PACSIN2: variants seen among roughly 807,000 people sequenced by gnomAD.
PACSIN2 encodes the protein protein kinase C and casein kinase substrate in neurons 2.
PACSIN2 carries 25 observed loss-of-function variants against 63.8 expected under a neutral mutation model. The ratio of observed to expected loss-of-function variants is 0.39; its 90% CI spans 0.29 to 0.55. The LOEUF (loss-of-function observed/expected upper bound fraction) is 0.55, where lower values mean the gene tolerates loss of function less well. PACSIN2 is among the 20% of genes least tolerant of loss of function. The probability of loss-of-function intolerance (pLI) is 0.62; values close to 1 mark genes in which losing one functional copy is unlikely to be tolerated. For missense variants in PACSIN2, 518 were observed against 646.9 expected, an observed-to-expected ratio of 0.80 and a Z score of 2.16; for synonymous variants, 255 against 256.2, an observed-to-expected ratio of 1.00 and a Z score of 0.05.
intron 1 of PACSIN2, among the ~76,000 whole-genome samples, chr22:42,969,236 C>T (rs938983863): frequency 5.9e-5 from 9 of 152,180 alleles, no homozygotes; most frequent in African/African-American, 1.9e-4. Flanking sequence ...CAACTATAAA[C>T]TTAAAAGTGT....
intron 1 of PACSIN2, among the ~76,000 whole-genome samples, chr22:42,959,211 C>G (rs1391129821): frequency 2.0e-5 from 3 of 152,170 alleles, no homozygotes; most frequent in Non-Finnish European, 2.9e-5. Flanking sequence ...ACAGCAATTA[C>G]AGTCTCCTGG....
At chr22:42,977,278 G>T (rs954376824) in intron 1 of PACSIN2, among the ~76,000 whole-genome samples, 1 of 152,088 alleles carries the variant, frequency 6.6e-6, no homozygotes, top group African/African-American at 2.4e-5. Flanking sequence ...GGACACATTT[G>T]CAATGCACAC....
chr22:43,005,813 C>A (rs1280907896), intron 1 of PACSIN2, among the ~76,000 whole-genome samples: 1 of 152,112 alleles, frequency 6.6e-6, no homozygotes, highest in East Asian at 1.9e-4. Flanking sequence ...CTCTCAGTAT[C>A]CTGGTGCAAA....
At chr22:42,992,326 A>G (rs1923097999) in intron 1 of PACSIN2, among the ~76,000 whole-genome samples, 1 of 152,220 alleles carries the variant, frequency 6.6e-6, no homozygotes, top group African/African-American at 2.4e-5. Context: ...GATGCGCGCA[A>G]AGCACTTTGG....
chr22:42,879,499 C>A (rs897874313), intron 7 of PACSIN2, among the ~76,000 whole-genome samples: 2 of 152,194 alleles, frequency 1.3e-5, no homozygotes, highest in African/African-American at 4.8e-5. Flanking sequence ...AGGTCCGGGG[C>A]CTCCTGTTCC....
intron 1 of PACSIN2, among the ~76,000 whole-genome samples, chr22:42,919,772 C>CAAAAAAAAAAAAAA (rs761464603): frequency 4.1e-5 from 2 of 48,784 alleles, no homozygotes; most frequent in Non-Finnish European, 9.7e-5. Flanking sequence ...GAACCTGTCT[C>CAAAAAAAAAAAAAA]AAAAAAAAAA....
chr22:42,908,918 C>CA (rs1555914696), intron 2 of PACSIN2, among the ~76,000 whole-genome samples: 5 of 152,178 alleles, frequency 3.3e-5, no homozygotes, highest in Non-Finnish European at 2.9e-5. Context: ...TGCTCTCATA[C>CA]TCCATAAGCA....
chr22:42,914,760 G>C (rs1176886345), intron 1 of PACSIN2, among the ~76,000 whole-genome samples: 2 of 152,234 alleles, frequency 1.3e-5, no homozygotes, highest in Admixed American at 6.5e-5. Flanking sequence ...TCCGGACTGA[G>C]AGGCAGCTTG....
At chr22:42,964,911 T>C (rs1230326347) in intron 1 of PACSIN2, among the ~76,000 whole-genome samples, 2 of 152,034 alleles carry the variant, frequency 1.3e-5, no homozygotes, top group Non-Finnish European at 2.9e-5. Flanking sequence ...ATGGCTTGGA[T>C]AAAAAGAAGA....
intron 1 of PACSIN2, among the ~76,000 whole-genome samples, chr22:42,976,361 C>CTTA: frequency 6.6e-6 from 1 of 152,350 alleles, no homozygotes; most frequent in Middle Eastern, 3.4e-3. Context: ...AAGCGCAGGC[C>CTTA]TTAATGCACA....
chr22:42,938,287 C>A (rs1932996582), intron 1 of PACSIN2, among the ~76,000 whole-genome samples: 1 of 152,140 alleles, frequency 6.6e-6, no homozygotes, highest in African/African-American at 2.4e-5. Context: ...GATGAAAACA[C>A]ACACGGTTCT....
chr22:42,925,082 G>A (rs996503154), intron 1 of PACSIN2, among the ~76,000 whole-genome samples: 1 of 151,108 alleles, frequency 6.6e-6, no homozygotes, highest in African/African-American at 2.4e-5. Flanking sequence ...AGCCCCCTCA[G>A]ACCCCCTCCC....
chr22:42,967,212 A>C (rs2146860086), intron 1 of PACSIN2, among the ~76,000 whole-genome samples: 1 of 152,194 alleles, frequency 6.6e-6, no homozygotes. Flanking sequence ...TGAATCACGT[A>C]AACAAGGGCC....
At chr22:42,878,766 A>G (rs9611951) in intron 8 of PACSIN2, among the ~76,000 whole-genome samples, 65,642 of 152,024 alleles carry the variant, frequency 0.43, 14,714 homozygotes, top group Non-Finnish European at 0.48. Flanking sequence ...GCTCCTCCCC[A>G]CTCAGGTCTG....
intron 2 of PACSIN2, among the ~76,000 whole-genome samples, chr22:42,905,776 T>C (rs1029606215): frequency 1.3e-5 from 2 of 152,202 alleles, no homozygotes; most frequent in Non-Finnish European, 2.9e-5. Context: ...CCTGCAGTGC[T>C]CCTGGTGGGT....
Position 42,891,046 on chromosome 22 carries a change from T to C in PACSIN2, c.354A>G (p.Glu118=), listed in dbSNP as rs1319100524. 1.9e-6 allele frequency: 3 copies of C among 1,614,174 alleles called. 1 individual carries two copies. The South Asian group carries it at 3.3e-5, about 18-fold the overall frequency. The change falls in exon 4 of 11, where the codon GAA becomes GAG. Residue 118 remains glutamate, a synonymous_variant. Coordinates refer to ENST00000263246, the MANE Select transcript of PACSIN2 (RefSeq NM_001184970.3). ...CGCCCATCATCTGCTTGTGAAAGGC[T>C]TCCTTCTGCCAGTTCTTGATCTTCT... is the stretch of plus-strand genomic sequence containing the variant. ...DFEKIKNWQK[E]AFHKQMMGGF...
In PACSIN2 at chr22:42,922,453, C is replaced by T. The variant is rs1031340639; in HGVS notation, c.-77-10296G>A. ...GCTCATCTCTCCTGAAAGCTGGCCT[C>T]GGGAGAAAGCCCCCGATACCCCGCT... On this transcript the variant is annotated intron_variant, in intron 1 of 10. Coordinates refer to ENST00000263246, the MANE Select transcript of PACSIN2 (RefSeq NM_001184970.3). 3.9e-5 allele frequency among the ~76,000 whole-genome samples: 6 copies of T among 152,212 alleles called. No homozygotes were observed. In the East Asian group the frequency reaches 7.7e-4, roughly 20 times the overall value.
chr22:42,887,464 T>C (rs1038461175), intron 5 of PACSIN2, among the ~76,000 whole-genome samples: 1 of 152,192 alleles, frequency 6.6e-6, no homozygotes, highest in Non-Finnish European at 1.5e-5. Flanking sequence ...TGGTGGGTAG[T>C]GAAACCAGCT....
intron 1 of PACSIN2, among the ~76,000 whole-genome samples, chr22:42,971,941 T>TCCAC (rs1569339294): frequency 2.0e-5 from 3 of 146,724 alleles, no homozygotes; most frequent in African/African-American, 5.1e-5. Flanking sequence ...GGGGGGTGCC[T>TCCAC]CTGCCCGGCC....
Sources: allele counts gnomAD v4.1 joint callset (sites outside exome capture counted in the v4.1 genomes callset), GRCh38; gene constraint gnomAD v4.1.1; transcripts MANE v1.5; gene names NCBI Gene and HGNC (gene_info 2026-07-23, HGNC 2026-07-21).